The following RAPGEF2 variants were observed in gnomAD, a reference collection of about 807,000 sequenced individuals.
RAPGEF2 encodes the protein Rap guanine nucleotide exchange factor 2, also known as PDZ domain containing guanine nucleotide exchange factor (GEF) 1.
RAPGEF2 carries 54 observed loss-of-function variants against 186.7 expected under a neutral mutation model. The ratio of observed to expected loss-of-function variants is 0.29; its 90% CI spans 0.23 to 0.36. The LOEUF (loss-of-function observed/expected upper bound fraction) is 0.36. RAPGEF2 is among the 10% of genes least tolerant of loss of function. The pLI is 1.00. For synonymous variants in RAPGEF2, 712 were observed against 705.9 expected (o/e 1.01, Z -0.14); for missense variants, 1,532 against 2,045.0 (o/e 0.75, Z 4.84).
At chr4:159,196,331 G>A (rs1394187206) in intron 3 of RAPGEF2, among the ~76,000 whole-genome samples, 1 of 152,058 alleles carries the variant, frequency 6.6e-6, no homozygotes, top group Non-Finnish European at 1.5e-5. Context: ...TTTCGGACCT[G>A]TTATTATTAC....
intron 1 of RAPGEF2, among the ~76,000 whole-genome samples, chr4:159,108,383 CTTTTTTT>C (rs35882271): frequency 1.2e-4 from 13 of 107,888 alleles, no homozygotes; most frequent in South Asian, 3.2e-4. Context: ...ACAGAACTTT[CTTTTTTT>C]TTTTTTTTTT....
chr4:159,312,874 G>A lies in RAPGEF2; in HGVS notation c.676-1717G>A, dbSNP rs145410904. The stretch of plus-strand genomic sequence containing the variant: ...TATAAGAAAATAGCACAGGCTGGGC[G>A]TGGTGGCTCATGCCTGTAATCACAG... On this transcript the variant is annotated intron_variant, in intron 8 of 29. Coordinates refer to ENST00000691494, the MANE Select transcript of RAPGEF2 (RefSeq NM_001394067.2). 3.1e-3 allele frequency among the ~76,000 whole-genome samples: 467 copies of A among 152,316 alleles called. 3 individuals carry two copies. Among genetic ancestry groups the A allele is most frequent in the African/African-American group, 0.01 (428 of 41,564 alleles).
At chr4:159,174,578 CA>C (rs1369280016) in intron 1 of RAPGEF2, among the ~76,000 whole-genome samples, 5 of 152,100 alleles carry the variant, frequency 3.3e-5, no homozygotes, top group Admixed American at 3.3e-4. Flanking sequence ...AGGAATTGTT[CA>C]AAAACTCAGT....
Position 159,332,673 on chromosome 4 carries a change from G to A in RAPGEF2, c.2111G>A (p.Ser704Asn). 6.2e-7 allele frequency: 1 copy of A among 1,614,136 alleles called. No homozygotes were observed. The highest frequency in any genetic ancestry group is 8.5e-7 in the Non-Finnish European group (1 of 1,179,994). ...AAGATACTCGACAAGACTCGGATCA[G>A]TATCTTGCCACAGAAACCATACAAG... is the stretch of plus-strand genomic sequence containing the variant. ...LKKILDKTRI[S>N]ILPQKPYNDI... Residue 704 changes from serine to asparagine, a missense_variant, in exon 17 of 30, where the codon AGT (serine) becomes AAT (asparagine). By Grantham distance (46) the Ser-to-Asn change is conservative. Transcript: ENST00000691494.
At chr4:159,330,194 A>G in intron 12 of RAPGEF2, 140 bp from the exon 13 acceptor site, 1 of 811,770 alleles carries the variant, frequency 1.2e-6, no homozygotes, top group Admixed American at 3.0e-5. Context: ...TTACTATCCA[A>G]TTCATTTTAT....
chr4:159,212,401 A>G (rs891885868), intron 4 of RAPGEF2, among the ~76,000 whole-genome samples: 5 of 152,250 alleles, frequency 3.3e-5, no homozygotes, highest in African/African-American at 9.6e-5. Flanking sequence ...TAATTACTAC[A>G]TACATTTTCA....
chr4:159,301,241 CG>C (rs1473304844), intron 7 of RAPGEF2, among the ~76,000 whole-genome samples: 1 of 151,908 alleles, frequency 6.6e-6, no homozygotes, highest in African/African-American at 2.4e-5. Context: ...GGGTCGTGGG[CG>C]CCTGTAATCC....
intron 1 of RAPGEF2, among the ~76,000 whole-genome samples, chr4:159,183,675 C>T (rs1747255250): frequency 6.6e-6 from 1 of 152,066 alleles, no homozygotes; most frequent in Non-Finnish European, 1.5e-5. Context: ...ACCTTCTATC[C>T]AGAATGTATA....
intron 4 of RAPGEF2, among the ~76,000 whole-genome samples, chr4:159,223,943 G>A (rs1561105694): frequency 4.6e-5 from 7 of 151,328 alleles, no homozygotes. Context: ...CTGCCACCCA[G>A]CCTGGAGTGC....
At chr4:159,230,800 T>C (rs1443562037) in intron 4 of RAPGEF2, among the ~76,000 whole-genome samples, 1 of 152,144 alleles carries the variant, frequency 6.6e-6, no homozygotes, top group Non-Finnish European at 1.5e-5. Flanking sequence ...TCTCAACTTG[T>C]CATTGGGTTA....
intron 4 of RAPGEF2, chr4:159,229,253 G>C (rs1649379684): frequency 6.6e-6 from 1 of 152,170 alleles, no homozygotes; most frequent in Admixed American, 6.5e-5. Context: ...ACTTGAATAA[G>C]TTTACATTCC....
At chr4:159,150,198 TAAAGTCACC>T (rs1429316938) in intron 1 of RAPGEF2, among the ~76,000 whole-genome samples, 1 of 151,388 alleles carries the variant, frequency 6.6e-6, no homozygotes, top group South Asian at 2.1e-4. Flanking sequence ...TTATATACTA[TAAAGTCACC>T]ATGACCACTG....
intron 13 of RAPGEF2, 95 bp from the exon 14 acceptor site, chr4:159,331,336 T>C (rs962165050): frequency 1.5e-6 from 1 of 669,788 alleles, no homozygotes; most frequent in Admixed American, 3.1e-5. Context: ...TATTATTAGG[T>C]AAATTATTTG....
rs114440358 is a variant in RAPGEF2 at position 159,142,794 on chromosome 4, G to A, written c.69+38563G>A. On this transcript the variant is annotated intron_variant, in intron 1 of 29. Coordinates refer to ENST00000691494, the MANE Select transcript of RAPGEF2 (RefSeq NM_001394067.2). ...ATAGTTTCTGTGTGCCAGGCCCTGC[G>A]TTAAACATTTCACCTGTATTATGTG... is the stretch of plus-strand genomic sequence containing the variant. 3.6e-3 allele frequency among the ~76,000 whole-genome samples: 552 copies of A among 152,110 alleles called. 2 individuals are homozygous for A. The highest frequency in any genetic ancestry group is 0.012 in the African/African-American group (501 of 41,516).
At chr4:159,274,051 C>T (rs539715592) in intron 7 of RAPGEF2, among the ~76,000 whole-genome samples, 8 of 152,056 alleles carry the variant, frequency 5.3e-5, no homozygotes, top group African/African-American at 7.2e-5. Context: ...CTTGGCCTCC[C>T]GAAGTGCTAG....
intron 3 of RAPGEF2, among the ~76,000 whole-genome samples, chr4:159,198,536 C>T (rs917413141): frequency 5.9e-5 from 9 of 151,830 alleles, no homozygotes; most frequent in East Asian, 2.0e-4. Flanking sequence ...ACCTCCACCT[C>T]GCTGGTTTAA....
At chr4:159,248,917 C>T (rs939652375) in intron 7 of RAPGEF2, among the ~76,000 whole-genome samples, 26 of 152,120 alleles carry the variant, frequency 1.7e-4, no homozygotes, top group African/African-American at 4.8e-4. Flanking sequence ...TACAGAACTC[C>T]GGTGTCCACT....
In RAPGEF2 at chr4:159,185,008, CT is replaced by C. The variant is rs1747413631; in HGVS notation, c.70-1632del. 5.9e-5 allele frequency among the ~76,000 whole-genome samples: 9 copies of C among 152,134 alleles called. No individual in the cohort carries two copies. The South Asian group carries it at 1.9e-3, about 31-fold the overall frequency. On this transcript the variant is annotated intron_variant, in intron 1 of 29. Transcript: ENST00000691494. ...TAAATAGGGAATCCTTTCCCCATTT[CT>C]TCGAACAAAGGATTTGAATAGACAC...
intron 1 of RAPGEF2, among the ~76,000 whole-genome samples, chr4:159,122,236 T>C (rs906754484): frequency 6.6e-6 from 1 of 151,938 alleles, no homozygotes; most frequent in Non-Finnish European, 1.5e-5. Flanking sequence ...ATCCCAGCAC[T>C]TTGGGAAGCT....
Sources: allele counts gnomAD v4.1 joint callset (sites outside exome capture counted in the v4.1 genomes callset), GRCh38; gene constraint gnomAD v4.1.1; transcripts MANE v1.5; gene names NCBI Gene and HGNC (gene_info 2026-07-23, HGNC 2026-07-21).